The following OR1J2 variants were observed in gnomAD, a reference collection of about 807,000 sequenced individuals.
The protein encoded by OR1J2 is olfactory receptor family 1 subfamily J member 2, also known as olfactory receptor 1J2.
For missense variants in OR1J2, 304 were observed against 246.1 expected (o/e 1.24, Z -1.57); for synonymous variants, 142 against 99.7 (o/e 1.42, Z -2.52).
chr9:122,486,689 A>G, the OR1J2 span, among the ~76,000 whole-genome samples: 2 of 152,212 alleles, frequency 1.3e-5, no homozygotes, highest in African/African-American at 2.4e-5. Context: ...CATTATTCTC[A>G]TCTAACCAAT....
chr9:122,567,552 G>A, the OR1J2 span: 1 of 1,568,732 alleles, frequency 6.4e-7, no homozygotes, highest in African/African-American at 1.4e-5. Flanking sequence ...TGCTTCCTAG[G>A]ATCTCTTGCT....
the OR1J2 span, among the ~76,000 whole-genome samples, chr9:122,481,613 C>T: frequency 7.9e-5 from 12 of 152,078 alleles, no homozygotes; most frequent in African/African-American, 2.7e-4. Context: ...GTGAGGGGTC[C>T]ACTTTCAAAG....
chr9:122,526,552 C>T, the OR1J2 span: 2 of 1,612,176 alleles, frequency 1.2e-6, no homozygotes, highest in African/African-American at 1.3e-5. Context: ...CCATAGAACA[C>T]ACAAACAACG....
chr9:122,541,841 A>G, the OR1J2 span, among the ~76,000 whole-genome samples: 1 of 152,200 alleles, frequency 6.6e-6, no homozygotes, highest in Non-Finnish European at 1.5e-5. Context: ...CACAAATGTT[A>G]TTTGGTTACG....
chr9:122,537,549 A>C, the OR1J2 span, among the ~76,000 whole-genome samples: 1 of 132,318 alleles, frequency 7.6e-6, no homozygotes, highest in South Asian at 2.4e-4. Flanking sequence ...TTCTATATGA[A>C]TTTTAGAAGT....
At chr9:122,571,354 A>G in the OR1J2 span, among the ~76,000 whole-genome samples, 3 of 152,042 alleles carry the variant, frequency 2.0e-5, no homozygotes, top group Admixed American at 1.3e-4. Flanking sequence ...GATTGGGTGC[A>G]TCCTGGCCAA....
the OR1J2 span, chr9:122,568,088 A>AG: frequency 6.2e-7 from 1 of 1,613,954 alleles, no homozygotes. Context: ...CATAGTGGAA[A>AG]GGGTCACAGA....
At chr9:122,571,482 G>A in the OR1J2 span, among the ~76,000 whole-genome samples, 17 of 151,506 alleles carry the variant, frequency 1.1e-4, no homozygotes, top group South Asian at 2.1e-4. Context: ...CCCAGGAGAC[G>A]GAGGTTGCAG....
the OR1J2 span, among the ~76,000 whole-genome samples, chr9:122,548,965 T>C: frequency 6.6e-6 from 1 of 152,126 alleles, no homozygotes; most frequent in South Asian, 2.1e-4. Flanking sequence ...AGAAGCTTTT[T>C]GGTTTAATTT....
chr9:122,492,468 A>ATT, the OR1J2 span, among the ~76,000 whole-genome samples: 6 of 152,062 alleles, frequency 3.9e-5, no homozygotes, highest in Admixed American at 3.9e-4. Context: ...ATGCAAGTAT[A>ATT]TTTGTCTTTT....
At chr9:122,542,061 A>T in the OR1J2 span, among the ~76,000 whole-genome samples, 2 of 152,170 alleles carry the variant, frequency 1.3e-5, no homozygotes, top group Admixed American at 1.3e-4. Flanking sequence ...CTGTTTTTGA[A>T]GTTCAGGTAA....
chr9:122,521,180 C>A, the OR1J2 span, among the ~76,000 whole-genome samples: 3 of 152,202 alleles, frequency 2.0e-5, no homozygotes, highest in Non-Finnish European at 4.4e-5. Context: ...TTGGGCTTAA[C>A]ACTACAGCTG....
At chr9:122,452,355 G>A in the OR1J2 span, among the ~76,000 whole-genome samples, 1 of 152,164 alleles carries the variant, frequency 6.6e-6, no homozygotes, top group Non-Finnish European at 1.5e-5. Context: ...TGCTCTGAGG[G>A]AGTAGCAGTA....
the OR1J2 span, among the ~76,000 whole-genome samples, chr9:122,536,078 C>A: frequency 7.2e-5 from 11 of 152,134 alleles, no homozygotes; most frequent in Admixed American, 2.0e-4. Flanking sequence ...AAGGCAGGAA[C>A]CAGCCATCTG....
At chr9:122,568,217 C>T in the OR1J2 span, 2 of 1,614,142 alleles carry the variant, frequency 1.2e-6, no homozygotes, top group Non-Finnish European at 1.7e-6. Context: ...TCTTTTCTGA[C>T]AGGAAGTTCA....
At chr9:122,511,771 T>A, downstream of OR1J2, 1 of 778,240 alleles carries the variant, frequency 1.3e-6, no homozygotes. Context: ...AATTAGAATC[T>A]CATTTTGGTT....
the OR1J2 span, among the ~76,000 whole-genome samples, chr9:122,487,458 A>ACACAC: frequency 6.7e-6 from 1 of 148,980 alleles, no homozygotes; most frequent in Non-Finnish European, 1.5e-5. Context: ...GGAGATGATT[A>ACACAC]ACACACACAC....
chr9:122,532,565 C>A, the OR1J2 span, among the ~76,000 whole-genome samples: 1 of 146,118 alleles, frequency 6.8e-6, no homozygotes, highest in African/African-American at 2.6e-5. Flanking sequence ...GGAGACTCAA[C>A]AAAGAGTGAA....
chr9:122,470,174 A>G, the OR1J2 span, among the ~76,000 whole-genome samples: 1,976 of 152,296 alleles, frequency 0.013, 50 homozygotes, highest in African/African-American at 0.045. Context: ...CTCTGTCATA[A>G]CAGACCTGGA....
Sources: gnomAD v4.1 joint callset for allele counts (sites outside exome capture counted in the v4.1 genomes callset) on GRCh38, gnomAD v4.1.1 for gene constraint, MANE v1.5 for transcripts, NCBI Gene and HGNC (gene_info 2026-07-23, HGNC 2026-07-21) for gene names.